Variants in AUTS2 observed in about 807,000 individuals in gnomAD.
AUTS2 encodes autism susceptibility gene 2 protein.
In AUTS2, 17 loss-of-function variants were observed where a neutral mutation model predicts 112.4. The ratio of observed to expected loss-of-function variants is 0.15; its 90% CI spans 0.10 to 0.23. The LOEUF is 0.23. Among genes scored for constraint, AUTS2 ranks in the 10% least tolerant of loss-of-function variants. The pLI is 1.00. For missense variants in AUTS2, 1,510 were observed against 1,701.6 expected, an observed-to-expected ratio of 0.89 and a Z score of 1.98; for synonymous variants, 751 against 702.7, an observed-to-expected ratio of 1.07 and a Z score of -1.09.
At chr7:69,786,858 A>G (rs865861747) in intron 1 of AUTS2, among the ~76,000 whole-genome samples, 5 of 152,362 alleles carry the variant, frequency 3.3e-5, no homozygotes, top group Admixed American at 6.5e-5. Flanking sequence ...ATGACATCAG[A>G]GTATACTACA....
chr7:70,205,987 A>T (rs1488708999), intron 4 of AUTS2, among the ~76,000 whole-genome samples: 2 of 152,212 alleles, frequency 1.3e-5, no homozygotes, highest in African/African-American at 4.8e-5. Context: ...AGTCAGAATT[A>T]TAGAGGATTA....
chr7:70,628,331 T>C (rs942095504), intron 5 of AUTS2, among the ~76,000 whole-genome samples: 1 of 22,708 alleles, frequency 4.4e-5, no homozygotes. Flanking sequence ...TATATATACA[T>C]ATATATATAG....
At chr7:69,744,945 C>A (rs530725035) in intron 1 of AUTS2, among the ~76,000 whole-genome samples, 1 of 152,326 alleles carries the variant, frequency 6.6e-6, no homozygotes, top group South Asian at 2.1e-4. Flanking sequence ...CTGTTGTGCA[C>A]CCAAGTGCTT....
intron 4 of AUTS2, among the ~76,000 whole-genome samples, chr7:70,367,477 A>C (rs1429450996): frequency 6.8e-6 from 1 of 146,740 alleles, no homozygotes; most frequent in African/African-American, 2.6e-5. Context: ...AATGGCGTGA[A>C]CCCATGAGGC....
intron 4 of AUTS2, among the ~76,000 whole-genome samples, chr7:70,319,771 A>T (rs1790165766): frequency 6.6e-6 from 1 of 152,212 alleles, no homozygotes; most frequent in African/African-American, 2.4e-5. Context: ...CACTAACACA[A>T]ACAACCTTGA....
intron 1 of AUTS2, among the ~76,000 whole-genome samples, chr7:69,784,234 G>A (rs546722884): frequency 4.6e-5 from 7 of 152,296 alleles, no homozygotes; most frequent in African/African-American, 1.7e-4. Context: ...TAGGCAGATG[G>A]ATGGGTGAAG....
At chr7:70,474,775 A>G (rs549578962) in intron 5 of AUTS2, among the ~76,000 whole-genome samples, 25 of 152,336 alleles carry the variant, frequency 1.6e-4, no homozygotes, top group African/African-American at 5.5e-4. Flanking sequence ...GCAAGAACTC[A>G]TGCAGGAAAA....
chr7:69,947,306 G>A lies in AUTS2; in HGVS notation c.522+47808G>A, dbSNP rs138602099. Among the ~76,000 whole-genome samples, 120 of 152,240 alleles carry A rather than the reference G, an allele frequency of 7.9e-4. 1 individual carries two copies. The highest frequency in any genetic ancestry group is 2.8e-3 in the African/African-American group (118 of 41,546). ...TTCACAAAACACAGAAAATTGCTGAGGGCTTATGTGACAGAAAGTTCATGT... is the reference window on the plus strand; with the variant it reads ...TTCACAAAACACAGAAAATTGCTGAAGGCTTATGTGACAGAAAGTTCATGT... On this transcript the variant is annotated intron_variant, in intron 2 of 18. Coordinates refer to ENST00000342771, the MANE Select transcript of AUTS2 (RefSeq NM_015570.4).
At chr7:70,571,153 T>C (rs1801921361) in intron 5 of AUTS2, among the ~76,000 whole-genome samples, 1 of 152,206 alleles carries the variant, frequency 6.6e-6, no homozygotes, top group South Asian at 2.1e-4. Flanking sequence ...CCCTTTGAGC[T>C]AGATGAGCAA....
At chr7:70,775,508 G>GTGAT (rs748645955) in intron 13 of AUTS2, 122 bp downstream of exon 13, 7 of 807,150 alleles carry the variant, frequency 8.7e-6, no homozygotes, top group African/African-American at 3.5e-5. Context: ...TGGAATGACG[G>GTGAT]TGATTGGGTT....
intron 6 of AUTS2, among the ~76,000 whole-genome samples, chr7:70,747,298 T>C (rs1462220107): frequency 2.0e-5 from 3 of 152,226 alleles, no homozygotes; most frequent in Non-Finnish European, 4.4e-5. Context: ...TCTGAGAGCA[T>C]TTCCCTTCCA....
chr7:69,692,022 G>A (rs906673782), intron 1 of AUTS2, among the ~76,000 whole-genome samples: 7 of 152,130 alleles, frequency 4.6e-5, no homozygotes, highest in African/African-American at 1.7e-4. Context: ...ATCCAGCTGA[G>A]CACCTTAGAG....
At chr7:70,182,082 G>T (rs546751128) in intron 4 of AUTS2, among the ~76,000 whole-genome samples, 1 of 152,132 alleles carries the variant, frequency 6.6e-6, no homozygotes, top group Admixed American at 6.5e-5. Context: ...GATTACAGGC[G>T]TGAGCCACCA....
rs1356549069 is a variant in AUTS2 at position 70,764,929 on chromosome 7, T to G, written c.1392T>G (p.Thr464=). 1 of 1,467,310 alleles carries G rather than the reference T, an allele frequency of 6.8e-7. No individual in the cohort carries two copies. The highest frequency in any genetic ancestry group is 1.9e-5 in the Admixed American group (1 of 51,762). 90.9% of individuals were successfully genotyped at this position (1,467,310 alleles called of 1,614,324 possible). ...ACCCCAATATGTTTGCCCCTCCCAC[T>G]GCTCTGCCTCCTCCACCACCACTGA... The part of the protein sequence containing the change: ...SHHPNMFAPP[T]ALPPPPPLTS... Residue 464 remains threonine, a synonymous_variant, in exon 8 of 19, where the codon ACT becomes ACG. Transcript: ENST00000342771.
chr7:69,862,904 T>A (rs1163836312), intron 1 of AUTS2, among the ~76,000 whole-genome samples: 1 of 152,166 alleles, frequency 6.6e-6, no homozygotes, highest in African/African-American at 2.4e-5. Flanking sequence ...TTTCTTTTGG[T>A]GCTGCCAAGC....
intron 1 of AUTS2, among the ~76,000 whole-genome samples, chr7:69,692,786 A>G (rs1275547644): frequency 6.6e-6 from 1 of 152,214 alleles, no homozygotes; most frequent in Admixed American, 6.5e-5. Flanking sequence ...AGGGGGTTTT[A>G]TGCTGCTTAG....
intron 1 of AUTS2, among the ~76,000 whole-genome samples, chr7:69,678,317 G>T (rs1019037068): frequency 6.6e-6 from 1 of 152,102 alleles, no homozygotes; most frequent in Non-Finnish European, 1.5e-5. Flanking sequence ...AACATTTCAA[G>T]GGAAATCTGA....
intron 4 of AUTS2, among the ~76,000 whole-genome samples, chr7:70,276,541 A>C (rs957754261): frequency 6.6e-6 from 1 of 151,262 alleles, no homozygotes; most frequent in African/African-American, 2.4e-5. Context: ...ACCACACCCA[A>C]CTAATTTTTG....
intron 4 of AUTS2, among the ~76,000 whole-genome samples, chr7:70,227,757 CTTG>C (rs1811842715): frequency 2.0e-5 from 3 of 151,970 alleles, no homozygotes; most frequent in Non-Finnish European, 4.4e-5. Context: ...CCCAGATTTT[CTTG>C]TTGTTTGTTT....
Sources: gnomAD v4.1 joint callset for allele counts (sites outside exome capture counted in the v4.1 genomes callset) on GRCh38, gnomAD v4.1.1 for gene constraint, MANE v1.5 for transcripts, NCBI Gene and HGNC (gene_info 2026-07-23, HGNC 2026-07-21) for gene names.